VAMP1: variants seen among roughly 807,000 people sequenced by gnomAD.
VAMP1 encodes the protein vesicle associated membrane protein 1.
Under a neutral mutation model 19.1 loss-of-function variants are expected in VAMP1, and 16 were observed. The ratio of observed to expected loss-of-function variants is 0.84; its 90% confidence interval spans 0.57 to 1.27. VAMP1 has a LOEUF of 1.27. Ranked by LOEUF, VAMP1 falls within the 50% of genes most tolerant of loss-of-function variation. The probability of loss-of-function intolerance (pLI) is 0.00; values close to 1 mark genes in which losing one functional copy is unlikely to be tolerated. For missense variants in VAMP1, 109 were observed against 145.4 expected (o/e 0.75, Z 1.29); for synonymous variants, 37 against 50.2 (o/e 0.74, Z 1.11).
Position 6,470,633 on chromosome 12 carries a change from G to A in VAMP1, c.-102C>T, listed in dbSNP as rs989743232. 24 of 1,512,192 alleles carry A rather than the reference G, an allele frequency of 1.6e-5. No individual in the cohort carries two copies. Among genetic ancestry groups the A allele is most frequent in the Admixed American group, 7.1e-5 (4 of 56,232 alleles). The allele number at this position is 1,512,192 out of a possible 1,614,324, so 93.7% of individuals were successfully genotyped here. The stretch of plus-strand genomic sequence containing the variant: ...GAAGTGGACGGAACTGCCAAGCTCC[G>A]CCTCGCGCCGACTACCCCGCGGTCT... On this transcript the variant is annotated 5_prime_UTR_variant, in exon 1 of 5. Coordinates refer to ENST00000396308, the MANE Select transcript of VAMP1 (RefSeq NM_014231.5).
In VAMP1 at chr12:6,470,640, G is replaced by A. The variant is rs115547049; in HGVS notation, c.-109C>T. On this transcript the variant is annotated 5_prime_UTR_variant, in exon 1 of 5. Transcript: ENST00000396308. The stretch of plus-strand genomic sequence containing the variant: ...ACGGAACTGCCAAGCTCCGCCTCGC[G>A]CCGACTACCCCGCGGTCTAGCTGCG... The A allele has an allele frequency of 8.2e-6, 12 of 1,463,014 alleles. No individual in the cohort carries two copies. In the Admixed American group the frequency reaches 9.1e-5, roughly 11 times the overall value. 90.6% of individuals were successfully genotyped at this position (1,463,014 alleles called of 1,614,324 possible).
chr12:6,469,010 C>A (rs1287101775), intron 1 of VAMP1, among the ~76,000 whole-genome samples: 4 of 152,142 alleles, frequency 2.6e-5, no homozygotes, highest in African/African-American at 7.2e-5. Context: ...GAACTAATAC[C>A]CAGAAGCTCA....
rs74056956 is a variant in VAMP1, at chr12:6,463,867, C to A, written c.*603G>T. The A allele has an allele frequency of 7.9e-6, 10 of 1,265,930 alleles. No homozygotes were observed. In the East Asian group the frequency reaches 5.0e-4, roughly 64 times the overall value. 78.4% of individuals were successfully genotyped at this position (1,265,930 alleles called of 1,614,324 possible). Reference sequence around the variant, plus strand: ...TAAAGTTGTAAGATCCCCAAAGACACGGAAAATCCTGGACGAACAGATTAG... The same window carrying A: ...TAAAGTTGTAAGATCCCCAAAGACAAGGAAAATCCTGGACGAACAGATTAG... On this transcript the variant is annotated 3_prime_UTR_variant, in exon 5 of 5. Transcript: ENST00000396308. This position sits in a 1 kb window ranked among gnomAD's most constrained non-coding sequence, Gnocchi z 4.0.
In VAMP1 at chr12:6,463,168, G is replaced by A; in HGVS notation, c.*1302C>T. On this transcript the variant is annotated 3_prime_UTR_variant, in exon 5 of 5. Transcript: ENST00000396308. This position sits in a 1 kb window ranked among gnomAD's most constrained non-coding sequence, Gnocchi z 4.0. ...CTATACACACAAACCATGCAAAGAG[G>A]AGGAAGAGAAAGGAGGCAAAGTAGA... is the stretch of plus-strand genomic sequence containing the variant. 1 of 1,443,128 alleles carries A rather than the reference G, an allele frequency of 6.9e-7. No individual in the cohort carries two copies. The highest frequency in any genetic ancestry group is 9.1e-7 in the Non-Finnish European group (1 of 1,102,642). 89.4% of individuals were successfully genotyped at this position (1,443,128 alleles called of 1,614,324 possible).
chr12:6,470,312 C>A (rs1050578837), intron 1 of VAMP1, among the ~76,000 whole-genome samples: 1 of 152,116 alleles, frequency 6.6e-6, no homozygotes, highest in Non-Finnish European at 1.5e-5. Flanking sequence ...GGGACCCCTG[C>A]GCCCCTGCCC....
At chr12:6,467,239 G>A (rs1030768609) in intron 1 of VAMP1, 7 of 161,950 alleles carry the variant, frequency 4.3e-5, no homozygotes, top group Non-Finnish European at 6.6e-5. Flanking sequence ...ATGTGGAAGC[G>A]ACTTTGGAAC....
At chr12:6,464,774 G>A (rs1949962303) in intron 4 of VAMP1, 116 bp downstream of exon 4, 2 of 1,555,582 alleles carry the variant, frequency 1.3e-6, no homozygotes, top group Non-Finnish European at 1.7e-6. Context: ...TCCCATAGCA[G>A]CGGTCTCCAT....
Position 6,462,742 on chromosome 12 carries a change from C to CCCCT in VAMP1, c.*1724_*1727dup. 7.3e-7 allele frequency: 1 copy of CCCCT among 1,367,164 alleles called. No individual in the cohort carries two copies. Among genetic ancestry groups the CCCCT allele is most frequent in the Non-Finnish European group, 1.0e-6 (1 of 1,001,956 alleles). 84.7% of individuals were successfully genotyped at this position (1,367,164 alleles called of 1,614,324 possible). A position where few individuals can be genotyped will look rare whatever the true frequency, so the allele number is the denominator to read the frequency against. ...GTGGTGGTTCTTCTCCAGCGGTGAC[C>CCCCT]CCCTGCATTAGGCAAGGAGGAGCCC... On this transcript the variant is annotated 3_prime_UTR_variant, in exon 5 of 5. Coordinates refer to ENST00000396308, the MANE Select transcript of VAMP1 (RefSeq NM_014231.5).
At chr12:6,465,070 C>A (rs2137004481) in intron 3 of VAMP1, 129 bp from the exon 4 acceptor site, 2 of 1,383,168 alleles carry the variant, frequency 1.4e-6, no homozygotes, top group East Asian at 2.5e-5. Flanking sequence ...ACCCAGGAGA[C>A]CTGCAGGCCT....
intron 3 of VAMP1, 57 bp downstream of exon 3, chr12:6,465,773 CTGAGGGTTTTCT>C: frequency 1.9e-6 from 3 of 1,580,540 alleles, no homozygotes; most frequent in African/African-American, 1.3e-5. Flanking sequence ...AATGTAGAAG[CTGAGGGTTTTCT>C]TGCCTTCTAC....
chr12:6,463,167 G>A lies in VAMP1; in HGVS notation c.*1303C>T, dbSNP rs1476890248. On this transcript the variant is annotated 3_prime_UTR_variant, in exon 5 of 5. Coordinates refer to ENST00000396308, the MANE Select transcript of VAMP1 (RefSeq NM_014231.5). This position sits in a 1 kb window ranked among gnomAD's most constrained non-coding sequence, Gnocchi z 4.0. ...TCTATACACACAAACCATGCAAAGA[G>A]GAGGAAGAGAAAGGAGGCAAAGTAG... 6 of 1,442,968 alleles carry A rather than the reference G, an allele frequency of 4.2e-6. No homozygotes were observed. The highest frequency in any genetic ancestry group is 5.4e-6 in the Non-Finnish European group (6 of 1,102,542). 89.4% of individuals were successfully genotyped at this position (1,442,968 alleles called of 1,614,324 possible).
rs866729262 is a variant in VAMP1 at position 6,463,110 on chromosome 12, G to C, written c.*1360C>G. ...AAGCTCAGCAATTGCCCCGAAGATA[G>C]GCTGAGCAGATCCCATCCTCAGGTT... On this transcript the variant is annotated 3_prime_UTR_variant, in exon 5 of 5. Transcript: ENST00000396308. This position sits in a 1 kb window ranked among gnomAD's most constrained non-coding sequence, Gnocchi z 4.0. 1 of 1,509,256 alleles carries C rather than the reference G, an allele frequency of 6.6e-7. No individual in the cohort carries two copies. The highest frequency in any genetic ancestry group is 1.3e-5 in the South Asian group (1 of 79,744). The allele number at this position is 1,509,256 out of a possible 1,614,324, so 93.5% of individuals were successfully genotyped here.
At chr12:6,467,911 A>G (rs1945668797) in intron 1 of VAMP1, among the ~76,000 whole-genome samples, 1 of 152,262 alleles carries the variant, frequency 6.6e-6, no homozygotes, top group Non-Finnish European at 1.5e-5. Context: ...TTGAGCCTGC[A>G]GATGCACAGA....
intron 1 of VAMP1, chr12:6,466,645 C>G (rs1241824274): frequency 2.8e-5 from 7 of 253,946 alleles, no homozygotes; most frequent in South Asian, 2.7e-4. Context: ...GGAGACAAAC[C>G]ATAGAGGCAA....
intron 1 of VAMP1, among the ~76,000 whole-genome samples, chr12:6,468,352 G>A (rs73042327): frequency 0.019 from 2,966 of 152,334 alleles, 45 homozygotes; most frequent in Non-Finnish European, 0.031. Context: ...AATCAGGGCT[G>A]CCATAAGGGC....
chr12:6,464,560 C>T, intron 4 of VAMP1, 74 bp from the exon 5 acceptor site: 1 of 1,464,508 alleles, frequency 6.8e-7, no homozygotes, highest in Non-Finnish European at 9.0e-7. Context: ...TGAATTACAC[C>T]AAGTTACCAG....
At chr12:6,465,817 T>A (rs775783616) in intron 3 of VAMP1, 25 bp downstream of exon 3, 1 of 1,612,396 alleles carries the variant, frequency 6.2e-7, no homozygotes, top group East Asian at 2.2e-5. Flanking sequence ...CAGGAAAAGA[T>A]GGAGGAGGGG....
chr12:6,462,550 G>A lies in VAMP1; in HGVS notation c.*1920C>T, dbSNP rs117836679. On this transcript the variant is annotated 3_prime_UTR_variant, in exon 5 of 5. Coordinates refer to ENST00000396308, the MANE Select transcript of VAMP1 (RefSeq NM_014231.5). ...GGATAGCAGAGACACACAGAAGAGGGTACAGGGTGGGTGAGAAAGAAAGTA... is the reference window on the plus strand; with the variant it reads ...GGATAGCAGAGACACACAGAAGAGGATACAGGGTGGGTGAGAAAGAAAGTA... The A allele has an allele frequency of 5.1e-3, 2,820 of 551,480 alleles. 87 individuals are homozygous for A. The Admixed American group carries it at 0.059, about 12-fold the overall frequency. The allele number at this position is 551,480 out of a possible 1,614,324, so 34.2% of individuals were successfully genotyped here.
At chr12:6,465,792 C>T in intron 3 of VAMP1, 50 bp downstream of exon 3, 1 of 1,606,024 alleles carries the variant, frequency 6.2e-7, no homozygotes, top group Non-Finnish European at 8.5e-7. Flanking sequence ...TTCTTGCCTT[C>T]TACCAGTGGA....
Sources: gnomAD v4.1 joint callset for allele counts (sites outside exome capture counted in the v4.1 genomes callset) on GRCh38, gnomAD v4.1.1 for gene constraint, Gnocchi (gnomAD v3.1) non-coding constraint, MANE v1.5 for transcripts, NCBI Gene and HGNC (gene_info 2026-07-23, HGNC 2026-07-21) for gene names.